Variants in TANC1 observed in about 807,000 individuals in gnomAD.
TANC1 encodes protein TANC1.
A neutral mutation model predicts 149.7 loss-of-function variants in TANC1; 77 were observed. The observed-to-expected ratio is 0.51, with a 90% CI of 0.43 to 0.62. The LOEUF (loss-of-function observed/expected upper bound fraction) is 0.62, where lower values mean the gene tolerates loss of function less well. Ranked by LOEUF, TANC1 falls within the 20% of genes least tolerant of loss-of-function variation. TANC1 has a pLI of 0.00. For synonymous variants in TANC1, 854 were observed against 925.0 expected, an observed-to-expected ratio of 0.92 and a Z score of 1.39; for missense variants, 1,985 against 2,321.8, an observed-to-expected ratio of 0.85 and a Z score of 2.98.
At chr2:159,217,317 C>T (rs1283488003) in intron 19 of TANC1, among the ~76,000 whole-genome samples, 180 bp from the exon 20 acceptor site, 2 of 152,220 alleles carry the variant, frequency 1.3e-5, no homozygotes, top group African/African-American at 2.4e-5. Context: ...CCTTGACATG[C>T]ACACAGAATT....
At chr2:159,068,481 T>C (rs2042860650) in intron 3 of TANC1, among the ~76,000 whole-genome samples, 1 of 152,242 alleles carries the variant, frequency 6.6e-6, no homozygotes, top group Non-Finnish European at 1.5e-5. Flanking sequence ...AGGTTGTTTT[T>C]GCAGGCAATC....
chr2:159,197,458 C>T (rs1388927888), intron 18 of TANC1, among the ~76,000 whole-genome samples: 1 of 152,094 alleles, frequency 6.6e-6, no homozygotes, highest in African/African-American at 2.4e-5. Flanking sequence ...ATTAGAGGTG[C>T]CAGTATTTGG....
intron 19 of TANC1, among the ~76,000 whole-genome samples, chr2:159,199,513 G>A (rs920669837): frequency 1.3e-5 from 2 of 152,194 alleles, no homozygotes; most frequent in Admixed American, 6.5e-5. Flanking sequence ...ACTCAGCCTC[G>A]TGGGGTTTAC....
In TANC1 at chr2:159,224,333, G is replaced by A; in HGVS notation, c.3780G>A (p.Val1260=). 1 of 1,614,174 alleles carries A rather than the reference G, an allele frequency of 6.2e-7. No individual in the cohort carries two copies. Among genetic ancestry groups the A allele is most frequent in the Non-Finnish European group, 8.5e-7 (1 of 1,180,038 alleles). ...TCGGCTGCCGGAACACATCTGTAGTGGTGGCGCTACTCAGAAAGGGAGCCA... is the reference window on the plus strand; with the variant it reads ...TCGGCTGCCGGAACACATCTGTAGTAGTGGCGCTACTCAGAAAGGGAGCCA... ...RAIGCRNTSV[V]VALLRKGAKL... The change falls in exon 23 of 27, where the codon GTG becomes GTA. Residue 1260 remains valine (V), a synonymous_variant. Transcript: ENST00000263635.
At chr2:159,188,092 C>T (rs2057149806) in intron 16 of TANC1, among the ~76,000 whole-genome samples, 1 of 152,216 alleles carries the variant, frequency 6.6e-6, no homozygotes, top group Admixed American at 6.5e-5. Context: ...CCTACATCTA[C>T]ACCATCTCCG....
chr2:159,089,043 A>T (rs897810388), intron 3 of TANC1, among the ~76,000 whole-genome samples: 1 of 152,164 alleles, frequency 6.6e-6, no homozygotes, highest in Non-Finnish European at 1.5e-5. Context: ...GGTTTTACTG[A>T]TCTGGAGCTG....
intron 3 of TANC1, among the ~76,000 whole-genome samples, chr2:159,096,700 G>C (rs1464720514): frequency 6.6e-6 from 1 of 152,184 alleles, no homozygotes; most frequent in Non-Finnish European, 1.5e-5. Context: ...GGCGGGGTTT[G>C]GTGGGAAGGA....
At chr2:159,211,136 G>A (rs554900067) in intron 19 of TANC1, among the ~76,000 whole-genome samples, 2 of 152,306 alleles carry the variant, frequency 1.3e-5, no homozygotes, top group East Asian at 3.9e-4. Flanking sequence ...CTCCCAAAGT[G>A]CTGGGATTAC....
chr2:159,226,725 T>C (rs1285414730), intron 24 of TANC1: 2 of 152,216 alleles, frequency 1.3e-5, no homozygotes, highest in Non-Finnish European at 2.9e-5. Flanking sequence ...CAGCAAACTT[T>C]TTTTGTAAAG....
At chr2:159,181,638 C>T (rs2056491570) in intron 14 of TANC1, among the ~76,000 whole-genome samples, 1 of 152,212 alleles carries the variant, frequency 6.6e-6, no homozygotes, top group African/African-American at 2.4e-5. Flanking sequence ...TACTTACAAA[C>T]AGAACAACCT....
intron 1 of TANC1, among the ~76,000 whole-genome samples, chr2:158,980,672 G>A (rs1283601451): frequency 6.6e-6 from 1 of 151,848 alleles, no homozygotes; most frequent in Non-Finnish European, 1.5e-5. Context: ...CTACTCAGGA[G>A]GCTGAGGCAG....
intron 7 of TANC1, among the ~76,000 whole-genome samples, chr2:159,158,315 G>C (rs2053646014): frequency 6.6e-6 from 1 of 152,034 alleles, no homozygotes; most frequent in Non-Finnish European, 1.5e-5. Context: ...AGCTGTCATT[G>C]CACCACTGTA....
Position 159,185,839 on chromosome 2 carries a change from G to A in TANC1, c.2559G>A (p.Lys853=). ...TCATGTTCTCGCGTCAGGAGGGCAA[G>A]TTGAACCGCCAGCAGACCATGGAGC... ...LAFMFSRQEG[K]LNRQQTMELG... Residue 853 remains lysine (K), a synonymous_variant, in exon 15 of 27, where the codon AAG becomes AAA. Transcript: ENST00000263635. The A allele has an allele frequency of 6.2e-7, 1 of 1,614,202 alleles. No homozygotes were observed. The highest frequency in any genetic ancestry group is 8.5e-7 in the Non-Finnish European group (1 of 1,180,036).
intron 1 of TANC1, among the ~76,000 whole-genome samples, chr2:158,996,181 CAA>C (rs1390837299): frequency 5.3e-5 from 8 of 152,132 alleles, no homozygotes; most frequent in Non-Finnish European, 1.0e-4. Flanking sequence ...TAAGACCCCC[CAA>C]GTCTGCAAAA....
At chr2:159,226,091 A>G (rs1317125240) in intron 24 of TANC1, 4 of 348,500 alleles carry the variant, frequency 1.1e-5, no homozygotes, top group African/African-American at 4.3e-5. Context: ...AATTGTTTCA[A>G]TCTGGGAGGC....
intron 4 of TANC1, among the ~76,000 whole-genome samples, chr2:159,112,302 C>T (rs556203598): frequency 4.1e-4 from 63 of 152,044 alleles, no homozygotes; most frequent in Non-Finnish European, 6.3e-4. Flanking sequence ...GCTGGAGTGC[C>T]GTGGTGTGAT....
chr2:159,038,937 C>A (rs1198200899), intron 2 of TANC1, among the ~76,000 whole-genome samples: 1 of 152,192 alleles, frequency 6.6e-6, no homozygotes, highest in Non-Finnish European at 1.5e-5. Flanking sequence ...ACCAGCTCCT[C>A]TTTGTACCTC....
Position 159,203,492 on chromosome 2 carries a change from A to C in TANC1, c.3244+4439A>C, listed in dbSNP as rs139090509. ...AGTGGTGGGATTACAGGTGTGAGCCACCACGCCCAGCCTTGATAGGCTTAT... is the reference window on the plus strand; with the variant it reads ...AGTGGTGGGATTACAGGTGTGAGCCCCCACGCCCAGCCTTGATAGGCTTAT... On this transcript the variant is annotated intron_variant, in intron 19 of 26. Transcript: ENST00000263635. Among the ~76,000 whole-genome samples the C allele has an allele frequency of 3.3e-4, 50 of 152,296 alleles. No homozygotes were observed. In the East Asian group the frequency reaches 9.3e-3, roughly 28 times the overall value.
intron 4 of TANC1, among the ~76,000 whole-genome samples, chr2:159,130,436 A>G (rs554355908): frequency 1.7e-4 from 26 of 152,244 alleles, no homozygotes; most frequent in Admixed American, 1.4e-3. Context: ...TGGATTTTTC[A>G]GTCTGGATCT....
Sources: gnomAD v4.1 joint callset for allele counts (sites outside exome capture counted in the v4.1 genomes callset) on GRCh38, gnomAD v4.1.1 for gene constraint, MANE v1.5 for transcripts, NCBI Gene and HGNC (gene_info 2026-07-23, HGNC 2026-07-21) for gene names.